Variants in KCNU1 observed in about 807,000 individuals in gnomAD.
The protein encoded by KCNU1 is potassium calcium-activated channel subfamily U member 1, also known as potassium channel subfamily U member 1.
A neutral mutation model predicts 126.8 loss-of-function variants in KCNU1; 93 were observed. The observed-to-expected ratio is 0.73, with a 90% CI of 0.62 to 0.87. The LOEUF (loss-of-function observed/expected upper bound fraction) is 0.87, where lower values mean the gene tolerates loss of function less well. Ranked by LOEUF, KCNU1 falls within the 40% of genes least tolerant of loss-of-function variation. The pLI is 0.00. For synonymous variants in KCNU1, 523 were observed against 494.2 expected (o/e 1.06, Z -0.77); for missense variants, 1,330 against 1,367.1 (o/e 0.97, Z 0.43).
At chr8:36,806,461 A>G in intron 5 of KCNU1, 81 bp downstream of exon 5, 1 of 732,882 alleles carries the variant, frequency 1.4e-6, no homozygotes, top group Non-Finnish European at 2.3e-6. Context: ...TCTATTTTTC[A>G]TTTGTTCTTA....
chr8:36,850,321 T>C (rs999591298), intron 18 of KCNU1, among the ~76,000 whole-genome samples: 1 of 152,212 alleles, frequency 6.6e-6, no homozygotes, highest in Non-Finnish European at 1.5e-5. Flanking sequence ...TGATGTTCAA[T>C]GATATATTTT....
intron 19 of KCNU1, among the ~76,000 whole-genome samples, chr8:36,865,198 A>G (rs557610687): frequency 2.6e-5 from 4 of 152,278 alleles, no homozygotes; most frequent in Non-Finnish European, 5.9e-5. Flanking sequence ...GTGGCATTAC[A>G]TAATGTTATA....
chr8:36,926,790 A>T (rs145993092), intron 24 of KCNU1, among the ~76,000 whole-genome samples: 1 of 152,168 alleles, frequency 6.6e-6, no homozygotes, highest in Non-Finnish European at 1.5e-5. Flanking sequence ...CCACTGCAAC[A>T]TAAGAGGTTA....
At chr8:36,898,313 C>G (rs1190290582) in intron 19 of KCNU1, among the ~76,000 whole-genome samples, 1 of 150,890 alleles carries the variant, frequency 6.6e-6, no homozygotes, top group Non-Finnish European at 1.5e-5. Context: ...CATACATAAA[C>G]ACGTGCACCT....
chr8:36,903,823 C>G (rs934010319), intron 19 of KCNU1, among the ~76,000 whole-genome samples: 2 of 152,122 alleles, frequency 1.3e-5, no homozygotes, highest in Non-Finnish European at 2.9e-5. Context: ...GCAAAGAAGT[C>G]CTTCTTCACA....
intron 10 of KCNU1, among the ~76,000 whole-genome samples, chr8:36,826,433 C>T (rs1360340741): frequency 6.6e-6 from 1 of 152,108 alleles, no homozygotes; most frequent in African/African-American, 2.4e-5. Flanking sequence ...TGGTCTCCAA[C>T]TCCTGACCTC....
intron 22 of KCNU1, among the ~76,000 whole-genome samples, chr8:36,915,971 G>A (rs59908967): frequency 0.19 from 29,244 of 150,922 alleles, 3,021 homozygotes; most frequent in Middle Eastern, 0.33. Context: ...GGAAGAAAAG[G>A]GAAGAAGGAA....
In KCNU1 at chr8:36,840,736, C is replaced by T. The variant is rs572986899; in HGVS notation, c.1631+161C>T. 3.3e-5 allele frequency among the ~76,000 whole-genome samples: 5 copies of T among 152,310 alleles called. No homozygotes were observed. The East Asian group carries it at 7.7e-4, about 23-fold the overall frequency. ...TTAGAAGTTTACAGTTGGGATGGGG[C>T]AATTTCATCTCTGTCCCAGTTGGTG... is the stretch of plus-strand genomic sequence containing the variant. On this transcript the variant is annotated intron_variant, in intron 15 of 26. Transcript: ENST00000399881.
intron 1 of KCNU1, among the ~76,000 whole-genome samples, chr8:36,784,851 T>C (rs1485026288): frequency 6.6e-6 from 1 of 152,166 alleles, no homozygotes; most frequent in Non-Finnish European, 1.5e-5. Flanking sequence ...GGATAATGAT[T>C]AATGTTAGCT....
intron 2 of KCNU1, among the ~76,000 whole-genome samples, chr8:36,788,247 C>T (rs1802782905): frequency 6.6e-6 from 1 of 152,108 alleles, no homozygotes; most frequent in South Asian, 2.1e-4. Flanking sequence ...CTAAGAGTTC[C>T]TCCTCTAGCT....
At chr8:36,791,078 A>G (rs1442445877) in intron 2 of KCNU1, among the ~76,000 whole-genome samples, 1 of 152,040 alleles carries the variant, frequency 6.6e-6, no homozygotes, top group African/African-American at 2.4e-5. Context: ...GTCAAATAAA[A>G]AGATTCCCTT....
chr8:36,886,009 A>T (rs1214204773), intron 19 of KCNU1, among the ~76,000 whole-genome samples: 1 of 152,122 alleles, frequency 6.6e-6, no homozygotes, highest in Admixed American at 6.5e-5. Context: ...CCCACGAAAA[A>T]TCTGAGACTT....
At chr8:36,866,571 C>A (rs778998776) in intron 19 of KCNU1, among the ~76,000 whole-genome samples, 27 of 152,136 alleles carry the variant, frequency 1.8e-4, no homozygotes, top group Admixed American at 7.2e-4. Flanking sequence ...CTATTTCCAA[C>A]AACAAAACAG....
chr8:36,821,584 A>C (rs1804126878), intron 10 of KCNU1, among the ~76,000 whole-genome samples: 1 of 152,134 alleles, frequency 6.6e-6, no homozygotes, highest in African/African-American at 2.4e-5. Flanking sequence ...TTGGGAGGAA[A>C]TGTGAGAGTA....
intron 19 of KCNU1, among the ~76,000 whole-genome samples, chr8:36,903,622 T>C (rs1021322769): frequency 6.6e-6 from 1 of 152,184 alleles, no homozygotes; most frequent in Admixed American, 6.5e-5. Context: ...AGGATTTCTA[T>C]ATTGCAGAAT....
At position 36,935,827 on chromosome 8, in the gene KCNU1, G is replaced by T. The variant is rs199859249; in HGVS notation, c.3357G>T (p.Gln1119His). Residue 1119 changes from glutamine to histidine, a missense_variant, in exon 27 of 27, where the codon CAG (glutamine) becomes CAT (histidine). Coordinates refer to ENST00000399881, the MANE Select transcript of KCNU1 (RefSeq NM_001031836.3). ...GAACAAACAGTATTATATCATCTCA[G>T]ATACCTTTAGGTGACAATGCAAAAG... is the stretch of plus-strand genomic sequence containing the variant. ...QSRTNSIISSQIPLGDNAKEN... is the reference protein window; with the variant it reads ...QSRTNSIISSHIPLGDNAKEN... 23 of 1,612,658 alleles carry T rather than the reference G, an allele frequency of 1.4e-5. No individual in the cohort carries two copies. The African/African-American group carries it at 3.1e-4, about 22-fold the overall frequency.
At chr8:36,789,126 C>T (rs915874763) in intron 2 of KCNU1, among the ~76,000 whole-genome samples, 1 of 152,144 alleles carries the variant, frequency 6.6e-6, no homozygotes, top group African/African-American at 2.4e-5. Context: ...GAGGCAGAGG[C>T]AGGAGAATCG....
chr8:36,920,726 G>C (rs376887688), intron 23 of KCNU1, among the ~76,000 whole-genome samples: 6 of 152,174 alleles, frequency 3.9e-5, no homozygotes, highest in East Asian at 3.9e-4. Context: ...GTGTGTGTGC[G>C]TGCGCGCACG....
intron 24 of KCNU1, 145 bp downstream of exon 24, chr8:36,922,774 T>C (rs1808405417): frequency 1.1e-6 from 1 of 889,728 alleles, no homozygotes; most frequent in East Asian, 2.7e-5. Context: ...CATACATTAA[T>C]TTATCTTTTC....
Sources: gnomAD v4.1 joint callset for allele counts (sites outside exome capture counted in the v4.1 genomes callset) on GRCh38, gnomAD v4.1.1 for gene constraint, MANE v1.5 for transcripts, NCBI Gene and HGNC (gene_info 2026-07-23, HGNC 2026-07-21) for gene names.